PLXNA4: variants seen among roughly 807,000 people sequenced by gnomAD.
PLXNA4 encodes the protein plexin-A4.
A neutral mutation model predicts 191.8 loss-of-function variants in PLXNA4; 44 were observed. The observed-to-expected ratio is 0.23, with a 90% CI of 0.18 to 0.29. The LOEUF (loss-of-function observed/expected upper bound fraction) is 0.29, where lower values mean the gene tolerates loss of function less well. Ranked by LOEUF, PLXNA4 falls within the 10% of genes least tolerant of loss-of-function variation. The pLI, the probability that PLXNA4 is intolerant of heterozygous loss-of-function variation, is 1.00. For missense variants in PLXNA4, 1,800 were observed against 2,488.8 expected (o/e 0.72, Z 5.89); for synonymous variants, 1,082 against 1,009.5 (o/e 1.07, Z -1.36).
intron 1 of PLXNA4, among the ~76,000 whole-genome samples, chr7:132,514,267 G>C (rs1004586850): frequency 6.7e-6 from 1 of 150,238 alleles, no homozygotes; most frequent in African/African-American, 2.4e-5. Context: ...TAGCCAGGAT[G>C]GTCTCGATCT....
At chr7:132,249,926 GAA>G (rs1799187088) in intron 4 of PLXNA4, among the ~76,000 whole-genome samples, 1 of 152,218 alleles carries the variant, frequency 6.6e-6, no homozygotes, top group East Asian at 1.9e-4. Flanking sequence ...CCTGAAGAGA[GAA>G]TGACAATTGG....
intron 3 of PLXNA4, among the ~76,000 whole-genome samples, chr7:132,455,989 C>T (rs1420038129): frequency 6.6e-6 from 1 of 152,230 alleles, no homozygotes; most frequent in Non-Finnish European, 1.5e-5. Context: ...AGGTGCCCCT[C>T]CCTTGTCTCT....
rs534674788 is a variant in PLXNA4 at position 132,133,296 on chromosome 7, G to T, written c.5439-97C>A. 1.4e-5 allele frequency: 22 copies of T among 1,535,592 alleles called. No individual in the cohort carries two copies. The East Asian group carries it at 5.0e-4, about 35-fold the overall frequency. ...CACCGTGTCTGGGGCCATGAGCTCA[G>T]CTTGCACTGCAGGTAGTGGGTACTT... On this transcript the variant is annotated intron_variant, in intron 30 of 31. Coordinates refer to ENST00000321063, the MANE Select transcript of PLXNA4 (RefSeq NM_020911.2).
intron 3 of PLXNA4, among the ~76,000 whole-genome samples, chr7:132,328,397 G>A (rs1033625987): frequency 6.6e-6 from 1 of 152,124 alleles, no homozygotes; most frequent in African/African-American, 2.4e-5. Flanking sequence ...ACATCACTGA[G>A]GCACATGGGC....
At chr7:132,489,834 C>T (rs1168210900) in intron 2 of PLXNA4, among the ~76,000 whole-genome samples, 2 of 152,166 alleles carry the variant, frequency 1.3e-5, no homozygotes, top group Non-Finnish European at 2.9e-5. Context: ...CCTGGGTCAG[C>T]CCAGATGAGC....
intron 3 of PLXNA4, among the ~76,000 whole-genome samples, chr7:132,456,543 T>A (rs1045507402): frequency 6.6e-6 from 1 of 152,126 alleles, no homozygotes; most frequent in African/African-American, 2.4e-5. Context: ...TGGACAGTGA[T>A]AGGATTAAAG....
chr7:132,388,398 C>A (rs1266424415), intron 3 of PLXNA4, among the ~76,000 whole-genome samples: 1 of 152,126 alleles, frequency 6.6e-6, no homozygotes, highest in African/African-American at 2.4e-5. Flanking sequence ...TGTGTCCCTG[C>A]CTGAGAGTAA....
chr7:132,436,747 C>T (rs939096411), intron 3 of PLXNA4, among the ~76,000 whole-genome samples: 5 of 152,082 alleles, frequency 3.3e-5, no homozygotes, highest in East Asian at 1.9e-4. Context: ...GGTCAGTGAG[C>T]GAGAGAGAGG....
intron 24 of PLXNA4, among the ~76,000 whole-genome samples, chr7:132,161,137 T>C (rs1329831631): frequency 6.6e-6 from 1 of 152,218 alleles, no homozygotes; most frequent in Non-Finnish European, 1.5e-5. Context: ...CCTGCTGTCC[T>C]GTCCTCTGGG....
At chr7:132,643,927 G>A (rs1199854430) in intron 2 of PLXNA4, among the ~76,000 whole-genome samples, 2 of 152,040 alleles carry the variant, frequency 1.3e-5, no homozygotes, top group East Asian at 3.9e-4. Context: ...ACTCCAGCCT[G>A]GGTGAAAGGA....
chr7:132,162,614 C>T (rs140437610), intron 24 of PLXNA4, among the ~76,000 whole-genome samples: 48 of 152,152 alleles, frequency 3.2e-4, no homozygotes, highest in African/African-American at 1.2e-3. Flanking sequence ...ATTAAGAAAT[C>T]CATTCAGGTC....
chr7:132,227,739 T>A, intron 6 of PLXNA4, 135 bp from the exon 7 acceptor site: 1 of 1,149,376 alleles, frequency 8.7e-7, no homozygotes. Flanking sequence ...AATATTAACA[T>A]GGAGAAGAGA....
At chr7:132,280,445 C>G (rs759305146) in intron 4 of PLXNA4, among the ~76,000 whole-genome samples, 4 of 152,198 alleles carry the variant, frequency 2.6e-5, no homozygotes, top group Non-Finnish European at 5.9e-5. Flanking sequence ...AAACTGCTCT[C>G]AAGCTCCATA....
At chr7:132,461,459 G>T (rs79447817) in intron 3 of PLXNA4, among the ~76,000 whole-genome samples, 4,226 of 152,294 alleles carry the variant, frequency 0.028, 137 homozygotes, top group African/African-American at 0.081. Context: ...CATACAAGGA[G>T]CCCTCCAAAG....
At chr7:132,449,562 A>C (rs931859462) in intron 3 of PLXNA4, among the ~76,000 whole-genome samples, 2 of 152,194 alleles carry the variant, frequency 1.3e-5, no homozygotes, top group African/African-American at 2.4e-5. Flanking sequence ...CTACTCCCAT[A>C]AAGGGGTGAG....
At chr7:132,176,107 C>T (rs1178675874) in intron 20 of PLXNA4, among the ~76,000 whole-genome samples, 1 of 152,158 alleles carries the variant, frequency 6.6e-6, no homozygotes, top group Non-Finnish European at 1.5e-5. Flanking sequence ...GGTGGAGCTC[C>T]ACCCAGCAGA....
At chr7:132,206,981 T>C (rs888328688) in intron 10 of PLXNA4, among the ~76,000 whole-genome samples, 1 of 152,166 alleles carries the variant, frequency 6.6e-6, no homozygotes, top group African/African-American at 2.4e-5. Context: ...CCCCATTACC[T>C]TGGGAAAGTG....
intron 4 of PLXNA4, among the ~76,000 whole-genome samples, chr7:132,268,744 GC>G (rs889533765): frequency 2.6e-5 from 4 of 152,196 alleles, no homozygotes; most frequent in African/African-American, 9.7e-5. Flanking sequence ...ACAGATCTCA[GC>G]CCCCTTTTCT....
intron 4 of PLXNA4, among the ~76,000 whole-genome samples, chr7:132,259,106 C>T (rs1056059902): frequency 1.8e-4 from 28 of 152,184 alleles, no homozygotes; most frequent in African/African-American, 6.5e-4. Context: ...GAGGTCCCTC[C>T]TCCATCCCTA....
Sources: gnomAD v4.1 joint callset for allele counts (sites outside exome capture counted in the v4.1 genomes callset) on GRCh38, gnomAD v4.1.1 for gene constraint, MANE v1.5 for transcripts, NCBI Gene and HGNC (gene_info 2026-07-23, HGNC 2026-07-21) for gene names.